Variants in FER observed in about 807,000 individuals in gnomAD.
The protein encoded by FER is FER tyrosine kinase, also known as tyrosine-protein kinase Fer.
In FER, 63 loss-of-function variants were observed where a neutral mutation model predicts 111.0. The ratio of observed to expected loss-of-function variants is 0.57; its 90% CI spans 0.46 to 0.70. The LOEUF is 0.70. Among genes scored for constraint, FER ranks in the 30% least tolerant of loss-of-function variants. FER has a pLI of 0.00. For missense variants in FER, 914 were observed against 954.0 expected (o/e 0.96, Z 0.55); for synonymous variants, 327 against 313.9 (o/e 1.04, Z -0.44).
intron 8 of FER, among the ~76,000 whole-genome samples, chr5:108,880,421 C>T (rs527660872): frequency 5.3e-5 from 8 of 152,216 alleles, no homozygotes; most frequent in African/African-American, 1.7e-4. Context: ...TGAGGTAGGG[C>T]TCTGTGTTCT....
At chr5:108,975,516 A>G (rs1481353479) in intron 13 of FER, among the ~76,000 whole-genome samples, 1 of 152,158 alleles carries the variant, frequency 6.6e-6, no homozygotes, top group Non-Finnish European at 1.5e-5. Flanking sequence ...AGAAGGGAAA[A>G]GGTGCCAAAT....
intron 17 of FER, among the ~76,000 whole-genome samples, chr5:109,122,764 A>T (rs1298474123): frequency 6.6e-6 from 1 of 152,164 alleles, no homozygotes; most frequent in African/African-American, 2.4e-5. Flanking sequence ...GGGTGCATAC[A>T]TATTTATAAT....
Position 108,829,298 on chromosome 5 carries a change from T to C in FER, c.208-3472T>C, listed in dbSNP as rs1759793662. ...TTCAGTTGAAGATAGACCTGTTTACTTTTTCTTCACTATCACATTATAATA... is the reference window on the plus strand; with the variant it reads ...TTCAGTTGAAGATAGACCTGTTTACCTTTTCTTCACTATCACATTATAATA... On this transcript the variant is annotated intron_variant, in intron 3 of 19. Coordinates refer to ENST00000281092, the MANE Select transcript of FER (RefSeq NM_005246.4). Among the ~76,000 whole-genome samples the C allele has an allele frequency of 1.3e-5, 2 of 152,188 alleles. 1 individual carries two copies. The highest frequency in any genetic ancestry group is 4.1e-4 in the South Asian group (2 of 4,828).
chr5:109,157,130 C>G (rs767033396), intron 17 of FER, among the ~76,000 whole-genome samples: 4 of 152,076 alleles, frequency 2.6e-5, no homozygotes, highest in Non-Finnish European at 4.4e-5. Flanking sequence ...CATGATGAAG[C>G]TTGGTATAGC....
At chr5:109,045,252 TACATATACATTTAA>T (rs1347402537) in intron 15 of FER, among the ~76,000 whole-genome samples, 1 of 149,638 alleles carries the variant, frequency 6.7e-6, no homozygotes, top group Non-Finnish European at 1.5e-5. Context: ...CTGTATAACT[TACATATACATTTAA>T]GTATATACAT....
intron 17 of FER, among the ~76,000 whole-genome samples, chr5:109,143,332 A>G (rs534358318): frequency 2.0e-5 from 3 of 152,286 alleles, no homozygotes; most frequent in South Asian, 2.1e-4. Context: ...CTTGTTGCCA[A>G]CCTAAAAGAT....
chr5:108,928,763 T>C (rs1308933094), intron 10 of FER, among the ~76,000 whole-genome samples: 1 of 151,998 alleles, frequency 6.6e-6, no homozygotes, highest in African/African-American at 2.4e-5. Context: ...ATATAAAGTC[T>C]GTATACATAT....
intron 10 of FER, among the ~76,000 whole-genome samples, chr5:108,899,400 T>C (rs527371558): frequency 1.3e-5 from 2 of 152,292 alleles, no homozygotes; most frequent in East Asian, 1.9e-4. Flanking sequence ...ACTTTTGAAA[T>C]GTTTTCCTTT....
At chr5:109,083,407 T>C (rs61231361) in intron 16 of FER, among the ~76,000 whole-genome samples, 3,846 of 152,118 alleles carry the variant, frequency 0.025, 185 homozygotes, top group African/African-American at 0.088. Flanking sequence ...CTTAAATCAA[T>C]ATTCCATGGC....
intron 16 of FER, among the ~76,000 whole-genome samples, chr5:109,074,699 A>C (rs556226372): frequency 2.0e-5 from 3 of 152,358 alleles, no homozygotes; most frequent in Admixed American, 2.0e-4. Context: ...TAGAATCTTC[A>C]TGGAAATTGA....
At chr5:109,085,546 T>C (rs530146490) in intron 16 of FER, among the ~76,000 whole-genome samples, 36 of 151,760 alleles carry the variant, frequency 2.4e-4, no homozygotes, top group African/African-American at 8.2e-4. Context: ...TTTCCATTTT[T>C]TTCTGAATTA....
intron 17 of FER, among the ~76,000 whole-genome samples, chr5:109,159,955 CA>C (rs904513517): frequency 5.3e-5 from 8 of 150,580 alleles, no homozygotes; most frequent in Non-Finnish European, 7.4e-5. Context: ...ATTAAAGTGA[CA>C]AAGAGAAAGA....
chr5:108,896,069 G>T (rs1394245108), intron 9 of FER, among the ~76,000 whole-genome samples: 1 of 151,514 alleles, frequency 6.6e-6, no homozygotes, highest in Admixed American at 6.6e-5. Context: ...TCACCTTTTT[G>T]TGACTGATAT....
At chr5:109,166,722 G>T (rs1756594679) in intron 17 of FER, among the ~76,000 whole-genome samples, 1 of 152,098 alleles carries the variant, frequency 6.6e-6, no homozygotes, top group Admixed American at 6.6e-5. Context: ...TTCAGTCATT[G>T]GTAGCCTTAC....
At chr5:108,798,483 A>G in intron 3 of FER, 94 bp downstream of exon 3, 1 of 907,406 alleles carries the variant, frequency 1.1e-6, no homozygotes, top group Non-Finnish European at 1.7e-6. Flanking sequence ...TACTTAAGTC[A>G]GCATTCTAAA....
intron 13 of FER, among the ~76,000 whole-genome samples, chr5:108,970,566 G>C (rs1388731519): frequency 6.6e-6 from 1 of 151,972 alleles, no homozygotes. Flanking sequence ...TTGGTTTCTT[G>C]AACCTCAATT....
At chr5:108,858,103 C>G (rs1763173207) in intron 5 of FER, among the ~76,000 whole-genome samples, 1 of 152,160 alleles carries the variant, frequency 6.6e-6, no homozygotes, top group South Asian at 2.1e-4. Flanking sequence ...TCATGTACAC[C>G]TGTGCTTTCT....
chr5:108,805,799 G>T (rs1482490002), intron 3 of FER, among the ~76,000 whole-genome samples: 1 of 152,188 alleles, frequency 6.6e-6, no homozygotes, highest in Non-Finnish European at 1.5e-5. Context: ...CTCAAGAGGT[G>T]ACTTGGGTGC....
chr5:109,012,938 A>C (rs550423942), intron 13 of FER, among the ~76,000 whole-genome samples: 7 of 152,188 alleles, frequency 4.6e-5, no homozygotes, highest in Non-Finnish European at 1.0e-4. Context: ...AAAGATTCTC[A>C]TTGAATATTT....
Sources: allele counts gnomAD v4.1 joint callset (sites outside exome capture counted in the v4.1 genomes callset), GRCh38; gene constraint gnomAD v4.1.1; transcripts MANE v1.5; gene names NCBI Gene and HGNC (gene_info 2026-07-23, HGNC 2026-07-21).